Variants in CEP152 observed in about 807,000 individuals in gnomAD.
CEP152 encodes the protein centrosomal protein of 152 kDa.
Under a neutral mutation model 188.9 loss-of-function variants are expected in CEP152, and 132 were observed. The observed-to-expected ratio is 0.70, with a 90% confidence interval of 0.61 to 0.81. The LOEUF is 0.81. Among genes scored for constraint, CEP152 ranks in the 30% least tolerant of loss-of-function variants. The pLI is 0.00. For missense variants in CEP152, 1,914 were observed against 1,969.8 expected (o/e 0.97, Z 0.54); for synonymous variants, 649 against 666.6 (o/e 0.97, Z 0.41).
intron 12 of CEP152, among the ~76,000 whole-genome samples, chr15:48,780,542 T>C (rs1024636570): frequency 1.3e-5 from 2 of 152,206 alleles, no homozygotes; most frequent in Non-Finnish European, 2.9e-5. Flanking sequence ...TCTTAAACTA[T>C]AAACAAAAGG....
At chr15:48,746,433 T>A (rs1449892577) in intron 22 of CEP152, among the ~76,000 whole-genome samples, 1 of 152,212 alleles carries the variant, frequency 6.6e-6, no homozygotes, top group Non-Finnish European at 1.5e-5. Flanking sequence ...ATATCTATGT[T>A]TTAAATATAC....
intron 22 of CEP152, 147 bp downstream of exon 22, chr15:48,748,296 A>T (rs1893609382): frequency 1.6e-6 from 2 of 1,284,098 alleles, no homozygotes; most frequent in Non-Finnish European, 9.9e-7. Context: ...TGTAATAATA[A>T]TTTGATTAGT....
chr15:48,756,471 T>A lies in CEP152; in HGVS notation c.2777A>T (p.Glu926Val), dbSNP rs117557829. 3.0e-4 allele frequency: 487 copies of A among 1,613,424 alleles called. 8 individuals carry two copies. In the East Asian group the frequency reaches 0.011, roughly 35 times the overall value. The change falls in exon 20 of 27, where the codon GAA becomes GTA. Residue 926 changes from glutamate (E) to valine (V), a missense_variant. Glu to Val is a moderately radical substitution (Grantham distance 121). Transcript: ENST00000380950. ...NMRKNILPGK[E>V]LEEKIHSLQK... ...AAGAGAATGAATCTTCTCTTCCAAT[T>A]CCTTTCCAGGAAGTATATTTTTCCT...
intron 24 of CEP152, among the ~76,000 whole-genome samples, chr15:48,742,723 A>C (rs1435368780): frequency 6.6e-6 from 1 of 152,142 alleles, no homozygotes; most frequent in Non-Finnish European, 1.5e-5. Flanking sequence ...TGAAATTTAC[A>C]TATAAACATA....
chr15:48,756,271 C>T lies in CEP152; in HGVS notation c.2977G>A (p.Val993Met), dbSNP rs1264899431. The change falls in exon 20 of 27, where the codon GTG (valine) becomes ATG (methionine). Residue 993 changes from valine (V) to methionine (M), a missense_variant. By Grantham distance (21) the Val-to-Met change is conservative. Transcript: ENST00000380950. ...AAGTCTTCTTTAGCTGCCGCAAGCA[C>T]CTCATTAATTTTATTTCGGTGATCA... Reference protein sequence around the residue: ...LDDHRNKINEVLAAAKEDFMK... With the variant: ...LDDHRNKINEMLAAAKEDFMK... 5.0e-6 allele frequency: 8 copies of T among 1,586,214 alleles called. No individual in the cohort carries two copies. Among genetic ancestry groups the T allele is most frequent in the Admixed American group, 1.8e-5 (1 of 54,854 alleles).
At chr15:48,741,730 A>T in intron 25 of CEP152, 26 bp from the exon 26 acceptor site, 1 of 1,613,674 alleles carries the variant, frequency 6.2e-7, no homozygotes, top group Non-Finnish European at 8.5e-7. Flanking sequence ...GAATATTAAA[A>T]ATATAGTTTA....
rs1892931008 is a variant in CEP152, at chr15:48,741,024, C to T, written c.4093+577G>A. The T allele has an allele frequency of 3.0e-6, 3 of 988,676 alleles. No individual in the cohort carries two copies. The Admixed American group carries it at 1.8e-4, about 59-fold the overall frequency. The allele number at this position is 988,676 out of a possible 1,614,324, so 61.2% of individuals were successfully genotyped here. A position where few individuals can be genotyped will look rare whatever the true frequency, so the allele number is the denominator to read the frequency against. Reference sequence around the variant, plus strand: ...ACAGTTTTGATATTGCTCCTAATTGCAATAGTCATCTCCCGGTGGTTTTGA... The same window carrying T: ...ACAGTTTTGATATTGCTCCTAATTGTAATAGTCATCTCCCGGTGGTTTTGA... On this transcript the variant is annotated intron_variant, in intron 26 of 26. Coordinates refer to ENST00000380950, the MANE Select transcript of CEP152 (RefSeq NM_001194998.2).
chr15:48,798,142 G>C, intron 2 of CEP152, 91 bp from the exon 3 acceptor site: 1 of 923,346 alleles, frequency 1.1e-6, no homozygotes, highest in Admixed American at 1.9e-5. Context: ...TTTTACTGTA[G>C]AGGTCAAAGA....
intron 1 of CEP152, among the ~76,000 whole-genome samples, chr15:48,809,180 A>G (rs1898181601): frequency 6.6e-6 from 1 of 152,220 alleles, no homozygotes; most frequent in Non-Finnish European, 1.5e-5. Context: ...ATTAAAATGT[A>G]TCTGCCTGCT....
intron 2 of CEP152, among the ~76,000 whole-genome samples, chr15:48,803,686 T>A (rs759911554): frequency 1.1e-4 from 17 of 152,210 alleles, no homozygotes; most frequent in Non-Finnish European, 2.5e-4. Flanking sequence ...AAAGAGGTGA[T>A]CCCAAATAGC....
intron 2 of CEP152, among the ~76,000 whole-genome samples, chr15:48,798,311 A>G (rs181597017): frequency 2.1e-4 from 32 of 152,128 alleles, no homozygotes; most frequent in Admixed American, 2.0e-3. Context: ...ATAGAGCAGA[A>G]TTCAAAAACT....
intron 12 of CEP152, among the ~76,000 whole-genome samples, chr15:48,776,729 C>T (rs1225719624): frequency 6.6e-6 from 1 of 151,894 alleles, no homozygotes; most frequent in African/African-American, 2.4e-5. Flanking sequence ...GAAATATTAT[C>T]AATATTATTT....
intron 12 of CEP152, among the ~76,000 whole-genome samples, chr15:48,776,066 T>G (rs955625363): frequency 6.6e-6 from 1 of 151,792 alleles, no homozygotes; most frequent in Non-Finnish European, 1.5e-5. Flanking sequence ...ATGATTGCCC[T>G]AATAGATAAG....
At chr15:48,753,761 T>G (rs956888166) in intron 20 of CEP152, among the ~76,000 whole-genome samples, 3 of 152,204 alleles carry the variant, frequency 2.0e-5, no homozygotes, top group African/African-American at 7.2e-5. Flanking sequence ...GCTTGAAAAT[T>G]TTGTTCCATT....
intron 11 of CEP152, among the ~76,000 whole-genome samples, chr15:48,781,630 C>T (rs998015004): frequency 6.6e-6 from 1 of 152,118 alleles, no homozygotes; most frequent in African/African-American, 2.4e-5. Context: ...TGGTGTGTTC[C>T]TTGGGCTTAA....
rs1896446969 is a variant in CEP152, at chr15:48,783,941, C to T, written c.1321+32G>A. 5 of 1,613,150 alleles carry T rather than the reference C, an allele frequency of 3.1e-6. 1 individual carries two copies. Among genetic ancestry groups the T allele is most frequent in the Admixed American group, 3.3e-5 (2 of 59,928 alleles). On this transcript the variant is annotated intron_variant, in intron 10 of 26. Transcript: ENST00000380950. Reference sequence around the variant, plus strand: ...TCTTTCTGCATATTGAACCAACCTTCTGGGGAGACAGTGGACCTACCAGAC... The same window carrying T: ...TCTTTCTGCATATTGAACCAACCTTTTGGGGAGACAGTGGACCTACCAGAC...
Position 48,769,039 on chromosome 15 carries a change from G to A in CEP152, c.1825C>T (p.Pro609Ser). Reference sequence around the variant, plus strand: ...ACAACATCAGAAGTAGAAGACTCAGGCCATAATTGATTCTTTGGTTTTTCT... The same window carrying A: ...ACAACATCAGAAGTAGAAGACTCAGACCATAATTGATTCTTTGGTTTTTCT... ...TSEKPKNQLW[P>S]ESSTSDVVRD... Residue 609 changes from proline (P) to serine (S), a missense_variant, in exon 14 of 27, where the codon CCT becomes TCT. Physicochemically the swap from Pro to Ser is moderately conservative, Grantham distance 74. Transcript: ENST00000380950. The A allele has an allele frequency of 6.2e-7, 1 of 1,604,796 alleles. No individual in the cohort carries two copies.
chr15:48,792,859 C>G (rs986262133), intron 7 of CEP152, among the ~76,000 whole-genome samples: 1 of 151,724 alleles, frequency 6.6e-6, no homozygotes, highest in African/African-American at 2.4e-5. Context: ...CTCTGTCACC[C>G]AGCCTGAAGT....
chr15:48,798,256 G>A (rs1386304894), intron 2 of CEP152, among the ~76,000 whole-genome samples: 1 of 143,420 alleles, frequency 7.0e-6, no homozygotes, highest in Non-Finnish European at 1.6e-5. Flanking sequence ...ATTTATATCA[G>A]AAGGCTTTTT....
Sources: allele counts gnomAD v4.1 joint callset (sites outside exome capture counted in the v4.1 genomes callset), GRCh38; gene constraint gnomAD v4.1.1; transcripts MANE v1.5; gene names NCBI Gene and HGNC (gene_info 2026-07-23, HGNC 2026-07-21).